PCDHGB5: variants seen among roughly 807,000 people sequenced by gnomAD.
The protein encoded by PCDHGB5 is protocadherin gamma-B5.
Under a neutral mutation model 62.9 loss-of-function variants are expected in PCDHGB5, and 48 were observed. The observed-to-expected ratio is 0.76, with a 90% CI of 0.61 to 0.97. PCDHGB5 has a LOEUF of 0.97. Ranked by LOEUF, PCDHGB5 falls within the 50% of genes least tolerant of loss-of-function variation. The pLI, the probability that PCDHGB5 is intolerant of heterozygous loss-of-function variation, is 0.00. For missense variants in PCDHGB5, 1,118 were observed against 1,198.6 expected, an observed-to-expected ratio of 0.93 and a Z score of 0.99; for synonymous variants, 474 against 511.2, an observed-to-expected ratio of 0.93 and a Z score of 0.98.
intron 3 of PCDHGB5, among the ~76,000 whole-genome samples, chr5:141,505,765 T>C (rs970212345): frequency 5.3e-5 from 8 of 151,922 alleles, no homozygotes; most frequent in African/African-American, 1.9e-4. Flanking sequence ...ACAGTGTAGC[T>C]CAGGTCCTAG....
At chr5:141,422,950 G>A (rs1388735971) in intron 1 of PCDHGB5, 2 of 1,614,230 alleles carry the variant, frequency 1.2e-6, no homozygotes, top group South Asian at 1.1e-5. Flanking sequence ...CGGCTCCACT[G>A]GCGTGGAGCT....
At chr5:141,452,751 A>C (rs1592230802) in intron 1 of PCDHGB5, among the ~76,000 whole-genome samples, 1 of 152,094 alleles carries the variant, frequency 6.6e-6, no homozygotes, top group South Asian at 2.1e-4. Context: ...AGAAGGAAGA[A>C]GGAAGGGAGG....
Position 141,490,351 on chromosome 5 carries a change from T to C in PCDHGB5, c.2398-4456T>C. Reference sequence around the variant, plus strand: ...CACACCAGTGGGCACAGTAGTGGGGTTGTTTAATGTGCGAGACCGGGACTC... The same window carrying C: ...CACACCAGTGGGCACAGTAGTGGGGCTGTTTAATGTGCGAGACCGGGACTC... On this transcript the variant is annotated intron_variant, in intron 1 of 3. Transcript: ENST00000617380. The surrounding 1 kb of genome is among the most constrained non-coding windows in gnomAD (Gnocchi z 5.4). 6.2e-7 allele frequency: 1 copy of C among 1,614,028 alleles called. No individual in the cohort carries two copies. The highest frequency in any genetic ancestry group is 1.3e-5 in the African/African-American group (1 of 74,976).
chr5:141,499,932 C>A (rs1169727162), intron 2 of PCDHGB5, among the ~76,000 whole-genome samples: 1 of 152,076 alleles, frequency 6.6e-6, no homozygotes, highest in Non-Finnish European at 1.5e-5. Context: ...AAGTGATCCA[C>A]CCTCCTCGGC....
intron 1 of PCDHGB5, chr5:141,441,182 CA>C (rs1434822697): frequency 6.6e-6 from 1 of 152,140 alleles, no homozygotes; most frequent in African/African-American, 2.4e-5. Flanking sequence ...TCTAATTCCA[CA>C]ATGATTCCCA....
chr5:141,496,992 C>T (rs1055856428), intron 2 of PCDHGB5, among the ~76,000 whole-genome samples: 2 of 151,918 alleles, frequency 1.3e-5, no homozygotes, highest in African/African-American at 2.4e-5. Context: ...TTGAGACCAG[C>T]CTGGCAGCCA....
In PCDHGB5 at chr5:141,488,647, T is replaced by TG. The variant is rs535492979; in HGVS notation, c.2398-6155dup. ...CTCACCTTAGCAGCATTCAGCAGGA[T>TG]GGGGGAGGGTGGGGGAATACATGGG... On this transcript the variant is annotated intron_variant, in intron 1 of 3. Transcript: ENST00000617380. Among the ~76,000 whole-genome samples, 173 of 152,088 alleles carry TG rather than the reference T, an allele frequency of 1.1e-3. 1 individual carries two copies. Among genetic ancestry groups the TG allele is most frequent in the African/African-American group, 3.9e-3 (160 of 41,492 alleles).
intron 1 of PCDHGB5, chr5:141,422,140 C>CG (rs1369033587): frequency 6.3e-7 from 1 of 1,586,656 alleles, no homozygotes; most frequent in Non-Finnish European, 8.5e-7. Context: ...AGTTCAAGTA[C>CG]GGGGGTCTCT....
intron 3 of PCDHGB5, among the ~76,000 whole-genome samples, chr5:141,505,956 T>C (rs1177913983): frequency 6.6e-6 from 1 of 152,102 alleles, no homozygotes; most frequent in Non-Finnish European, 1.5e-5. Flanking sequence ...TGAAAGTGGG[T>C]GTAGAAATCC....
rs191642740 is a variant in PCDHGB5 at position 141,509,833 on chromosome 5, C to T, written c.2546-1114C>T. On this transcript the variant is annotated intron_variant, in intron 3 of 3. Coordinates refer to ENST00000617380, the MANE Select transcript of PCDHGB5 (RefSeq NM_018925.3). ...GAGCTCTTCTCCATCTTCTCTCTAC[C>T]TCCCATTCACTCAGAACAGGGATAA... 2.6e-5 allele frequency among the ~76,000 whole-genome samples: 4 copies of T among 152,300 alleles called. No individual in the cohort carries two copies. The East Asian group carries it at 7.7e-4, about 29-fold the overall frequency.
Position 141,400,500 on chromosome 5 carries a change from C to T in PCDHGB5, c.2373C>T (p.Ser791=), listed in dbSNP as rs1025270322. The T allele has an allele frequency of 6.2e-7, 1 of 1,613,922 alleles. No homozygotes were observed. Among genetic ancestry groups the T allele is most frequent in the Non-Finnish European group, 8.5e-7 (1 of 1,179,808 alleles). The change falls in exon 1 of 4, where the codon AGC becomes AGT. Residue 791 remains serine, a synonymous_variant. Transcript: ENST00000617380. ...CCTTATTTCCACTTTGTAATTCCAG[C>T]GAGTCGACTTCCCATCCTGAGTTGG... ...SGALFPLCNS[S]ESTSHPELQA...
chr5:141,485,661 G>A lies in PCDHGB5; in HGVS notation c.2398-9146G>A. On this transcript the variant is annotated intron_variant, in intron 1 of 3. Transcript: ENST00000617380. This position sits in a 1 kb window ranked among gnomAD's most constrained non-coding sequence, Gnocchi z 5.7. ...GAAAAGGCTCAGGATGCAGATGTGGGGAGCAATTCGATTAGCAGCTATAGG... is the reference window on the plus strand; with the variant it reads ...GAAAAGGCTCAGGATGCAGATGTGGAGAGCAATTCGATTAGCAGCTATAGG... 2 of 1,612,678 alleles carry A rather than the reference G, an allele frequency of 1.2e-6. No individual in the cohort carries two copies. Among genetic ancestry groups the A allele is most frequent in the Non-Finnish European group, 1.7e-6 (2 of 1,178,884 alleles).
intron 1 of PCDHGB5, among the ~76,000 whole-genome samples, chr5:141,472,422 C>T (rs1328468154): frequency 6.6e-6 from 1 of 152,008 alleles, no homozygotes; most frequent in East Asian, 1.9e-4. Flanking sequence ...GCACCTGTAT[C>T]CCAGCTACTA....
At chr5:141,423,238 G>A (rs765040062) in intron 1 of PCDHGB5, 3 of 1,613,778 alleles carry the variant, frequency 1.9e-6, no homozygotes, top group South Asian at 1.1e-5. Flanking sequence ...CAGCATCCCC[G>A]AAGTCCTGGC....
Position 141,432,029 on chromosome 5 carries a change from G to A in PCDHGB5, c.2397+31505G>A. 6.2e-7 allele frequency: 1 copy of A among 1,614,178 alleles called. No individual in the cohort carries two copies. Among genetic ancestry groups the A allele is most frequent in the South Asian group, 1.1e-5 (1 of 91,086 alleles). ...TCCTAGCTACAACATCACAGTGACC[G>A]CCACTGACCGGGGAACCCCGCCCCT... On this transcript the variant is annotated intron_variant, in intron 1 of 3. Coordinates refer to ENST00000617380, the MANE Select transcript of PCDHGB5 (RefSeq NM_018925.3). This position sits in a 1 kb window ranked among gnomAD's most constrained non-coding sequence, Gnocchi z 6.0.
chr5:141,407,958 A>G lies in PCDHGB5; in HGVS notation c.2397+7434A>G, dbSNP rs1018466165. On this transcript the variant is annotated intron_variant, in intron 1 of 3. Transcript: ENST00000617380. ...TGGGCGCCGCTGTCGGCCAGTGCAG[A>G]GCAAGCGCTGACGCCGGGGATCCGT... 5 of 660,632 alleles carry G rather than the reference A, an allele frequency of 7.6e-6. No homozygotes were observed. In the South Asian group the frequency reaches 1.2e-4, roughly 15 times the overall value. 40.9% of individuals were successfully genotyped at this position (660,632 alleles called of 1,614,324 possible).
chr5:141,417,869 A>C, intron 1 of PCDHGB5: 2 of 1,553,552 alleles, frequency 1.3e-6, no homozygotes, highest in South Asian at 2.4e-5. Context: ...GATGGGAGGG[A>C]GCTGCGCGCA....
chr5:141,510,426 T>C (rs983368750), intron 3 of PCDHGB5, among the ~76,000 whole-genome samples: 1 of 152,084 alleles, frequency 6.6e-6, no homozygotes, highest in African/African-American at 2.4e-5. Flanking sequence ...CATGGTTTCA[T>C]GGCTGCTGCC....
chr5:141,413,042 G>T, intron 1 of PCDHGB5: 1 of 857,566 alleles, frequency 1.2e-6, no homozygotes, highest in Non-Finnish European at 1.7e-6. Context: ...CTGCTGGGCT[G>T]CAGGGAAGCT....
Sources: allele counts gnomAD v4.1 joint callset (sites outside exome capture counted in the v4.1 genomes callset), GRCh38; gene constraint gnomAD v4.1.1; non-coding constraint Gnocchi (gnomAD v3.1); transcripts MANE v1.5; gene names NCBI Gene and HGNC (gene_info 2026-07-23, HGNC 2026-07-21).